The following RRBP1 variants were observed in gnomAD, a reference collection of about 807,000 sequenced individuals.
The protein encoded by RRBP1 is ribosome-binding protein 1.
RRBP1 carries 94 observed loss-of-function variants against 165.2 expected under a neutral mutation model. The ratio of observed to expected loss-of-function variants is 0.57; its 90% confidence interval spans 0.48 to 0.68. The LOEUF (loss-of-function observed/expected upper bound fraction) is 0.68, where lower values mean the gene tolerates loss of function less well. Ranked by LOEUF, RRBP1 falls within the 30% of genes least tolerant of loss-of-function variation. The probability of loss-of-function intolerance (pLI) is 0.00; values close to 1 mark genes in which losing one functional copy is unlikely to be tolerated. For synonymous variants in RRBP1, 680 were observed against 714.5 expected (o/e 0.95, Z 0.77); for missense variants, 1,676 against 1,763.0 (o/e 0.95, Z 0.88).
intron 4 of RRBP1, among the ~76,000 whole-genome samples, 156 bp from the exon 5 acceptor site, chr20:17,642,075 G>T (rs975454416): frequency 2.6e-5 from 4 of 152,216 alleles, no homozygotes; most frequent in Admixed American, 2.6e-4. Flanking sequence ...GTGGGGAAAG[G>T]CGGCCCCGCC....
chr20:17,663,984 G>A (rs1048423719), intron 2 of RRBP1, among the ~76,000 whole-genome samples: 1 of 152,158 alleles, frequency 6.6e-6, no homozygotes, highest in Non-Finnish European at 1.5e-5. Flanking sequence ...AACACCCCCA[G>A]TGGGTCTGAA....
At chr20:17,676,052 C>T (rs1285994580) in intron 2 of RRBP1, among the ~76,000 whole-genome samples, 3 of 152,100 alleles carry the variant, frequency 2.0e-5, no homozygotes, top group African/African-American at 7.2e-5. Flanking sequence ...TACAAAAAAA[C>T]CTAAAAATTC....
rs2036335951 is a variant in RRBP1, at chr20:17,640,595, C to T, written c.2184+1202G>A. 3.3e-5 allele frequency among the ~76,000 whole-genome samples: 5 copies of T among 152,140 alleles called. No individual in the cohort carries two copies. In the South Asian group the frequency reaches 1.0e-3, roughly 31 times the overall value. ...GAGTGTGGGTGGAAGGGAGGCCACG[C>T]ACCGTTAACCTTCTCCTCACCTAAG... On this transcript the variant is annotated intron_variant, in intron 5 of 24. Transcript: ENST00000377813.
Position 17,616,712 on chromosome 20 carries a change from G to A in RRBP1, c.3867+20C>T, listed in dbSNP as rs371810910. 202 of 1,537,866 alleles carry A rather than the reference G, an allele frequency of 1.3e-4. No homozygotes were observed. In the Middle Eastern group the frequency reaches 1.5e-3, roughly 12 times the overall value. Reference sequence around the variant, plus strand: ...TTCTGGGATTAGTGATGTGTCTGGGGACCAGCTCACCGCCCTAACCTGAAC... The same window carrying A: ...TTCTGGGATTAGTGATGTGTCTGGGAACCAGCTCACCGCCCTAACCTGAAC... On this transcript the variant is annotated intron_variant, in intron 21 of 24. Coordinates refer to ENST00000377813, the MANE Select transcript of RRBP1 (RefSeq NM_001365613.2).
At chr20:17,630,575 A>G (rs1463285486) in intron 8 of RRBP1, among the ~76,000 whole-genome samples, 12 of 152,206 alleles carry the variant, frequency 7.9e-5, no homozygotes, top group African/African-American at 2.9e-4. Flanking sequence ...GGAGCCACAC[A>G]GAGCTTCAGT....
chr20:17,623,845 T>C (rs752459522), intron 13 of RRBP1, among the ~76,000 whole-genome samples: 13 of 151,934 alleles, frequency 8.6e-5, no homozygotes, highest in Non-Finnish European at 1.6e-4. Flanking sequence ...GGCAGGAGAA[T>C]TGCTTGAACC....
intron 3 of RRBP1, among the ~76,000 whole-genome samples, chr20:17,644,702 T>C (rs908411396): frequency 3.9e-5 from 6 of 152,350 alleles, no homozygotes; most frequent in South Asian, 4.1e-4. Context: ...GCACCAGCCA[T>C]GTGTGGCTAC....
chr20:17,658,462 T>A (rs1349940733), intron 3 of RRBP1, 134 bp downstream of exon 3: 8 of 743,858 alleles, frequency 1.1e-5, no homozygotes, highest in African/African-American at 3.5e-5. Flanking sequence ...GCCACTGAAT[T>A]TTTTTTTGAA....
rs755135886 is a variant in RRBP1 at position 17,660,236 on chromosome 20, T to C, written c.272A>G (p.Asn91Ser). The C allele has an allele frequency of 6.0e-5, 96 of 1,612,614 alleles. No homozygotes were observed. The highest frequency in any genetic ancestry group is 4.5e-4 in the East Asian group (20 of 44,874). ...GKIPDHDPAP[N>S]VTVLLREPVR... is the part of the protein sequence containing the mutation. ...TGGTTCTCGAAGGAGGACAGTCACA[T>C]TGGGGGCTGGATCATGATCAGGTAT... Residue 91 changes from asparagine to serine, a missense_variant, in exon 3 of 25, where the codon AAT becomes AGT. Physicochemically the swap from Asn to Ser is conservative, Grantham distance 46. This residue lies in a region of RRBP1 where 392 missense variants were observed against 382.5 expected (regional missense o/e 1.02). Transcript: ENST00000377813.
chr20:17,680,895 G>A (rs1040496065), intron 1 of RRBP1, among the ~76,000 whole-genome samples: 1 of 152,124 alleles, frequency 6.6e-6, no homozygotes, highest in African/African-American at 2.4e-5. Flanking sequence ...GAAGCTAACA[G>A]GAGCCCCGAT....
At position 17,614,065 on chromosome 20, in the gene RRBP1, C is replaced by T. The variant is rs1298500820; in HGVS notation, c.*117G>A. ...GAGACTTGTCTCTCATGGCTTCTCTCGGAGCTACCGGAAGTTGGGCCTGGA... is the reference window on the plus strand; with the variant it reads ...GAGACTTGTCTCTCATGGCTTCTCTTGGAGCTACCGGAAGTTGGGCCTGGA... On this transcript the variant is annotated 3_prime_UTR_variant, in exon 25 of 25. Coordinates refer to ENST00000377813, the MANE Select transcript of RRBP1 (RefSeq NM_001365613.2). 3.7e-5 allele frequency: 35 copies of T among 946,148 alleles called. No homozygotes were observed. The highest frequency in any genetic ancestry group is 4.8e-5 in the Non-Finnish European group (29 of 598,948). The allele number at this position is 946,148 out of a possible 1,614,324, so 58.6% of individuals were successfully genotyped here. A position where few individuals can be genotyped will look rare whatever the true frequency, so the allele number is the denominator to read the frequency against.
In RRBP1 at chr20:17,663,136, G is replaced by A. The variant is rs111457272; in HGVS notation, c.-21-2608C>T. On this transcript the variant is annotated intron_variant, in intron 2 of 24. Transcript: ENST00000377813. The stretch of plus-strand genomic sequence containing the variant: ...ATCGTTTCCCAACAACCATGTGCTC[G>A]AGGGGTGGTCTTTACCGAGTCGCGA... Among the ~76,000 whole-genome samples the A allele has an allele frequency of 6.4e-3, 978 of 152,314 alleles. 13 individuals carry two copies. Among genetic ancestry groups the A allele is most frequent in the African/African-American group, 0.022 (920 of 41,560 alleles).
chr20:17,637,996 C>A (rs190735210), intron 5 of RRBP1, among the ~76,000 whole-genome samples: 1,755 of 152,286 alleles, frequency 0.012, 15 homozygotes, highest in Admixed American at 0.02. Flanking sequence ...GGGAGCAGCT[C>A]TAAGAGGCAG....
intron 3 of RRBP1, among the ~76,000 whole-genome samples, chr20:17,651,664 C>T (rs1025875669): frequency 1.3e-5 from 2 of 152,192 alleles, no homozygotes; most frequent in African/African-American, 4.8e-5. Flanking sequence ...CCTCCACCCC[C>T]GGGAAGCGGA....
intron 8 of RRBP1, 98 bp downstream of exon 8, chr20:17,633,362 G>A (rs959939301): frequency 3.0e-6 from 4 of 1,317,612 alleles, no homozygotes; most frequent in African/African-American, 2.9e-5. Context: ...AGAAACGGGT[G>A]CCCAGTGTGG....
Position 17,620,302 on chromosome 20 carries a change from G to A in RRBP1, c.3576C>T (p.Asp1192=), listed in dbSNP as rs1398819135. 6.2e-7 allele frequency: 1 copy of A among 1,611,766 alleles called. No individual in the cohort carries two copies. The highest frequency in any genetic ancestry group is 8.5e-7 in the Non-Finnish European group (1 of 1,177,978). The change falls in exon 18 of 25, where the codon GAC becomes GAT. Residue 1192 remains aspartate (D), a synonymous_variant. Transcript: ENST00000377813. ...GTTCTCTGAGCAGAGCACATACCTG[G>A]TCCGAACTTTCAAGTTCTCCTTTTA... is the stretch of plus-strand genomic sequence containing the variant. ...EKLKGELESS[D]QVREHTSHLE...
Position 17,614,098 on chromosome 20 carries a change from G to C in RRBP1, c.*84C>G. On this transcript the variant is annotated 3_prime_UTR_variant, in exon 25 of 25. Coordinates refer to ENST00000377813, the MANE Select transcript of RRBP1 (RefSeq NM_001365613.2). ...CCGGAAGTTGGGCCTGGATAACGCT[G>C]TGTAGGTTGGTTGGTTTATTTGTAA... 7.2e-7 allele frequency: 1 copy of C among 1,380,878 alleles called. No homozygotes were observed. Among genetic ancestry groups the C allele is most frequent in the African/African-American group, 1.4e-5 (1 of 70,664 alleles). The allele number at this position is 1,380,878 out of a possible 1,614,324, so 85.5% of individuals were successfully genotyped here. A position where few individuals can be genotyped will look rare whatever the true frequency, so the allele number is the denominator to read the frequency against.
intron 2 of RRBP1, among the ~76,000 whole-genome samples, chr20:17,677,763 C>A (rs376908464): frequency 1.3e-5 from 2 of 151,800 alleles, no homozygotes; most frequent in Non-Finnish European, 2.9e-5. Context: ...CACTTGAACC[C>A]GGGAGGTAGA....
intron 2 of RRBP1, among the ~76,000 whole-genome samples, chr20:17,676,128 G>A (rs1181746262): frequency 6.6e-6 from 1 of 152,226 alleles, no homozygotes; most frequent in Non-Finnish European, 1.5e-5. Flanking sequence ...AGGATTAACT[G>A]AGCCTGCAAT....
Sources: allele counts gnomAD v4.1 joint callset (sites outside exome capture counted in the v4.1 genomes callset), GRCh38; gene constraint gnomAD v4.1.1; regional missense constraint gnomAD v4.1.1; transcripts MANE v1.5; gene names NCBI Gene and HGNC (gene_info 2026-07-23, HGNC 2026-07-21).